Variants in UBE2E2 observed in about 807,000 individuals in gnomAD.
UBE2E2 encodes the protein ubiquitin conjugating enzyme E2 E2.
A neutral mutation model predicts 24.7 loss-of-function variants in UBE2E2; 6 were observed. The ratio of observed to expected loss-of-function variants is 0.24; its 90% CI spans 0.13 to 0.48. The LOEUF (loss-of-function observed/expected upper bound fraction) is 0.48, where lower values mean the gene tolerates loss of function less well. Ranked by LOEUF, UBE2E2 falls within the 20% of genes least tolerant of loss-of-function variation. UBE2E2 has a pLI of 0.99. For synonymous variants in UBE2E2, 104 were observed against 83.6 expected, an observed-to-expected ratio of 1.24 and a Z score of -1.33; for missense variants, 169 against 245.0, an observed-to-expected ratio of 0.69 and a Z score of 2.07.
intron 3 of UBE2E2, among the ~76,000 whole-genome samples, chr3:23,398,612 A>G (rs893618989): frequency 1.3e-5 from 2 of 152,172 alleles, no homozygotes; most frequent in African/African-American, 2.4e-5. Flanking sequence ...TTAAGTGAAC[A>G]TTTCATCTTA....
chr3:23,434,420 A>G (rs938401372), intron 3 of UBE2E2, among the ~76,000 whole-genome samples: 6 of 152,182 alleles, frequency 3.9e-5, no homozygotes, highest in African/African-American at 1.2e-4. Flanking sequence ...ATTGTGCATT[A>G]GCTCTACTTA....
At position 23,268,853 on chromosome 3, in the gene UBE2E2, A is replaced by G. The variant is rs1575519455; in HGVS notation, c.227+51541A>G. 2.6e-5 allele frequency among the ~76,000 whole-genome samples: 4 copies of G among 152,204 alleles called. No individual in the cohort carries two copies. The East Asian group carries it at 5.8e-4, about 22-fold the overall frequency. On this transcript the variant is annotated intron_variant, in intron 3 of 5. Transcript: ENST00000396703. ...CAGCATGGTACTGGTACCGAAACAGAGATATAGATCAATGGAACAGAACAG... is the reference window on the plus strand; with the variant it reads ...CAGCATGGTACTGGTACCGAAACAGGGATATAGATCAATGGAACAGAACAG...
chr3:23,276,989 C>A (rs772720980), intron 3 of UBE2E2, among the ~76,000 whole-genome samples: 4 of 152,180 alleles, frequency 2.6e-5, no homozygotes, highest in Non-Finnish European at 4.4e-5. Flanking sequence ...CTAATGTAAG[C>A]AGTTTCAGTT....
intron 3 of UBE2E2, 84 bp from the exon 4 acceptor site, chr3:23,499,524 C>G: frequency 6.7e-7 from 1 of 1,501,824 alleles, no homozygotes; most frequent in Non-Finnish European, 8.9e-7. Flanking sequence ...TGGAATTGCT[C>G]AATTGGTTAT....
At chr3:23,332,674 G>GGTGTGTGTGTGT (rs3086989) in intron 3 of UBE2E2, among the ~76,000 whole-genome samples, 18 of 108,072 alleles carry the variant, frequency 1.7e-4, no homozygotes, top group South Asian at 5.5e-4. Flanking sequence ...CAGCCAGTGG[G>GGTGTGTGTGTGT]GTGTGTGTGT....
chr3:23,379,127 C>CA (rs1178908430), intron 3 of UBE2E2, among the ~76,000 whole-genome samples: 1 of 152,010 alleles, frequency 6.6e-6, no homozygotes, highest in East Asian at 1.9e-4. Flanking sequence ...TGTCTGTGAT[C>CA]AAAGTACTGA....
intron 3 of UBE2E2, among the ~76,000 whole-genome samples, chr3:23,355,553 T>C (rs564196206): frequency 6.6e-6 from 1 of 152,310 alleles, no homozygotes; most frequent in East Asian, 1.9e-4. Flanking sequence ...GTTGATTTTT[T>C]TCCTGTGATG....
chr3:23,316,218 C>T, intron 3 of UBE2E2, among the ~76,000 whole-genome samples: 1 of 152,114 alleles, frequency 6.6e-6, no homozygotes, highest in East Asian at 1.9e-4. Flanking sequence ...TCCCTTAGGT[C>T]CTGTATGGGT....
intron 3 of UBE2E2, among the ~76,000 whole-genome samples, chr3:23,335,757 C>T (rs575527276): frequency 6.6e-6 from 1 of 152,284 alleles, no homozygotes; most frequent in South Asian, 2.1e-4. Flanking sequence ...TGGTCTTGAA[C>T]TCCTGTGCTC....
At chr3:23,310,105 A>G (rs2125275641) in intron 3 of UBE2E2, among the ~76,000 whole-genome samples, 2 of 152,298 alleles carry the variant, frequency 1.3e-5, no homozygotes, top group Admixed American at 1.3e-4. Context: ...GAGAGATATC[A>G]CAGAATTCAT....
intron 3 of UBE2E2, among the ~76,000 whole-genome samples, chr3:23,243,438 C>T (rs1485029654): frequency 6.6e-6 from 1 of 152,172 alleles, no homozygotes; most frequent in Non-Finnish European, 1.5e-5. Context: ...AGATCCTGGG[C>T]CCTTTACCCT....
intron 3 of UBE2E2, among the ~76,000 whole-genome samples, chr3:23,274,430 G>T (rs1304291176): frequency 6.6e-6 from 1 of 152,134 alleles, no homozygotes; most frequent in South Asian, 2.1e-4. Context: ...CAGTGGCAAG[G>T]TCACGGTTCA....
At chr3:23,530,882 C>T (rs903592711) in intron 4 of UBE2E2, among the ~76,000 whole-genome samples, 4 of 152,184 alleles carry the variant, frequency 2.6e-5, no homozygotes, top group Non-Finnish European at 2.9e-5. Flanking sequence ...CAAAACCCCA[C>T]CCATGGCAGG....
chr3:23,498,182 T>G (rs534566236), intron 3 of UBE2E2, among the ~76,000 whole-genome samples: 130 of 152,312 alleles, frequency 8.5e-4, no homozygotes, highest in African/African-American at 2.8e-3. Flanking sequence ...GTCACTTTTA[T>G]ATGATCCAAA....
intron 3 of UBE2E2, among the ~76,000 whole-genome samples, chr3:23,473,758 G>A (rs1403332146): frequency 6.6e-6 from 1 of 152,094 alleles, no homozygotes; most frequent in Non-Finnish European, 1.5e-5. Flanking sequence ...TGGCTAAGTA[G>A]TATTCTATCA....
At position 23,400,607 on chromosome 3, in the gene UBE2E2, A is replaced by AACACACACACACACACACACAC. The variant is rs3087043; in HGVS notation, c.228-98987_228-98966dup. On this transcript the variant is annotated intron_variant, in intron 3 of 5. Transcript: ENST00000396703. ...GGTGGACAGAGAGGAGAATAAATGA[A>AACACACACACACACACACACAC]ACACACACACACACACACACACACA... 1.1e-4 allele frequency among the ~76,000 whole-genome samples: 15 copies of AACACACACACACACACACACAC among 137,834 alleles called. No individual in the cohort carries two copies. In the East Asian group the frequency reaches 3.0e-3, roughly 28 times the overall value. The allele number at this position is 137,834 out of a possible 152,430, so 90.4% of individuals were successfully genotyped here.
At chr3:23,391,951 A>G (rs977921675) in intron 3 of UBE2E2, among the ~76,000 whole-genome samples, 3 of 152,308 alleles carry the variant, frequency 2.0e-5, no homozygotes, top group South Asian at 2.1e-4. Flanking sequence ...AGGAATATCT[A>G]TTCCTCTCCA....
At chr3:23,556,819 C>T (rs1004605119) in intron 5 of UBE2E2, among the ~76,000 whole-genome samples, 7 of 152,178 alleles carry the variant, frequency 4.6e-5, no homozygotes, top group African/African-American at 1.2e-4. Flanking sequence ...CAAATGCTGA[C>T]ATTCTGTGAC....
chr3:23,451,770 T>C (rs1397466811), intron 3 of UBE2E2, among the ~76,000 whole-genome samples: 2 of 152,184 alleles, frequency 1.3e-5, no homozygotes, highest in Non-Finnish European at 2.9e-5. Flanking sequence ...ATGTTCATAG[T>C]CTCTCAACAA....
Sources: gnomAD v4.1 joint callset for allele counts (sites outside exome capture counted in the v4.1 genomes callset) on GRCh38, gnomAD v4.1.1 for gene constraint, MANE v1.5 for transcripts, NCBI Gene and HGNC (gene_info 2026-07-23, HGNC 2026-07-21) for gene names.